Variants in MGAT4C observed in about 807,000 individuals in gnomAD.
The protein encoded by MGAT4C is alpha-1,3-mannosyl-glycoprotein 4-beta-N-acetylglucosaminyltransferase C.
A neutral mutation model predicts 40.1 loss-of-function variants in MGAT4C; 19 were observed. The observed-to-expected ratio is 0.47, with a 90% CI of 0.33 to 0.70. The LOEUF (loss-of-function observed/expected upper bound fraction) is 0.70. Among genes scored for constraint, MGAT4C ranks in the 30% least tolerant of loss-of-function variants. MGAT4C has a pLI of 0.02. For missense variants in MGAT4C, 491 were observed against 563.2 expected (o/e 0.87, Z 1.30); for synonymous variants, 181 against 187.1 (o/e 0.97, Z 0.27).
intron 1 of MGAT4C, among the ~76,000 whole-genome samples, chr12:86,223,839 C>T (rs1314493562): frequency 6.6e-6 from 1 of 152,206 alleles, no homozygotes; most frequent in African/African-American, 2.4e-5. Flanking sequence ...GATCTGCACA[C>T]AACACCAGTG....
chr12:86,355,605 G>A (rs1396986067), intron 3 of MGAT4C, among the ~76,000 whole-genome samples: 1 of 152,072 alleles, frequency 6.6e-6, no homozygotes, highest in Non-Finnish European at 1.5e-5. Flanking sequence ...AGGACAACAT[G>A]TTGAAAGTGT....
chr12:86,366,326 A>G (rs1248606939), intron 3 of MGAT4C, among the ~76,000 whole-genome samples: 1 of 152,244 alleles, frequency 6.6e-6, no homozygotes, highest in African/African-American at 2.4e-5. Flanking sequence ...TATCATCATT[A>G]AAGAGAGAAA....
At chr12:86,461,729 A>C (rs1364894078) in intron 2 of MGAT4C, among the ~76,000 whole-genome samples, 2 of 152,214 alleles carry the variant, frequency 1.3e-5, no homozygotes, top group Admixed American at 6.5e-5. Flanking sequence ...GAATGTAATA[A>C]ATTTCTTAAA....
chr12:86,361,208 C>T lies in MGAT4C; in HGVS notation c.-119-27081G>A, dbSNP rs1281736205. 3.9e-5 allele frequency among the ~76,000 whole-genome samples: 6 copies of T among 152,292 alleles called. No homozygotes were observed. The East Asian group carries it at 1.2e-3, about 29-fold the overall frequency. Reference sequence around the variant, plus strand: ...ACATCTACAACCATCTGTTATTTGACAAACCTGACAAAAACAAGAAATGGG... The same window carrying T: ...ACATCTACAACCATCTGTTATTTGATAAACCTGACAAAAACAAGAAATGGG... On this transcript the variant is annotated intron_variant, in intron 3 of 7. Coordinates refer to the MGAT4C transcript ENST00000548651.
chr12:86,006,274 G>A (rs1887863352), intron 2 of MGAT4C, among the ~76,000 whole-genome samples: 2 of 152,190 alleles, frequency 1.3e-5, no homozygotes, highest in South Asian at 4.1e-4. Flanking sequence ...GATTCTTCAA[G>A]CTCAAATCAA....
intron 2 of MGAT4C, among the ~76,000 whole-genome samples, chr12:86,548,098 G>A (rs2136392953): frequency 6.6e-6 from 1 of 152,208 alleles, no homozygotes; most frequent in Non-Finnish European, 1.5e-5. Flanking sequence ...GTATTTTATA[G>A]TTGTCTGTCT....
chr12:85,996,696 A>AAAGG (rs1447304201), intron 2 of MGAT4C, among the ~76,000 whole-genome samples: 1 of 152,204 alleles, frequency 6.6e-6, no homozygotes, highest in Admixed American at 6.5e-5. Context: ...TCAATTTTTC[A>AAAGG]AAGGAAGCAT....
At chr12:86,096,127 C>T (rs1873866981) in intron 1 of MGAT4C, among the ~76,000 whole-genome samples, 1 of 151,686 alleles carries the variant, frequency 6.6e-6, no homozygotes, top group Non-Finnish European at 1.5e-5. Flanking sequence ...GAAATGTTTG[C>T]TGTCAAAGAT....
chr12:86,602,251 G>A (rs1961812054), intron 2 of MGAT4C, among the ~76,000 whole-genome samples: 1 of 152,136 alleles, frequency 6.6e-6, no homozygotes, highest in South Asian at 2.1e-4. Context: ...AGCCCAGCAG[G>A]CACGGACAAA....
chr12:86,250,751 A>G (rs1209077328), intron 1 of MGAT4C, among the ~76,000 whole-genome samples: 4 of 152,088 alleles, frequency 2.6e-5, no homozygotes, highest in Admixed American at 6.6e-5. Flanking sequence ...TATTTAATTC[A>G]TTTTTTATCT....
chr12:86,787,422 T>C (rs1374205094), intron 1 of MGAT4C, among the ~76,000 whole-genome samples: 1 of 152,138 alleles, frequency 6.6e-6, no homozygotes, highest in East Asian at 1.9e-4. Context: ...TGAATAGTGC[T>C]GCAATAAATA....
At chr12:86,175,160 T>G (rs1236231906) in intron 1 of MGAT4C, among the ~76,000 whole-genome samples, 1 of 152,132 alleles carries the variant, frequency 6.6e-6, no homozygotes, top group East Asian at 1.9e-4. Flanking sequence ...AAAGAATGTA[T>G]AGAAATGTAC....
At chr12:86,178,745 A>G (rs1887767295) in intron 1 of MGAT4C, among the ~76,000 whole-genome samples, 1 of 152,182 alleles carries the variant, frequency 6.6e-6, no homozygotes, top group Non-Finnish European at 1.5e-5. Flanking sequence ...ACTCATATTA[A>G]TATAAAAATT....
At chr12:86,158,261 T>C (rs1196591068) in intron 1 of MGAT4C, among the ~76,000 whole-genome samples, 3 of 152,118 alleles carry the variant, frequency 2.0e-5, no homozygotes, top group African/African-American at 7.2e-5. Flanking sequence ...CATAAATCCA[T>C]AGCCTAAATC....
chr12:86,601,440 A>G (rs187692153), intron 2 of MGAT4C: 2 of 151,910 alleles, frequency 1.3e-5, no homozygotes, highest in Admixed American at 1.3e-4. Flanking sequence ...CCCCATAAAA[A>G]CCTTGCACTC....
chr12:86,574,658 G>A (rs1960492484), intron 2 of MGAT4C, among the ~76,000 whole-genome samples: 1 of 151,722 alleles, frequency 6.6e-6, no homozygotes. Flanking sequence ...AATGCAATTA[G>A]CAATGTATGC....
At chr12:86,018,520 C>A (rs949563057) in intron 2 of MGAT4C, among the ~76,000 whole-genome samples, 1 of 152,094 alleles carries the variant, frequency 6.6e-6, no homozygotes, top group African/African-American at 2.4e-5. Context: ...GCCCTCAGGG[C>A]AGTATTCGGT....
chr12:86,523,849 T>G (rs1958836072), intron 2 of MGAT4C, among the ~76,000 whole-genome samples: 1 of 152,184 alleles, frequency 6.6e-6, no homozygotes, highest in African/African-American at 2.4e-5. Flanking sequence ...ATGCCCCTTT[T>G]TGTCTTTTTT....
At chr12:86,313,352 A>G (rs1227977586) in intron 4 of MGAT4C, among the ~76,000 whole-genome samples, 1 of 152,200 alleles carries the variant, frequency 6.6e-6, no homozygotes, top group Non-Finnish European at 1.5e-5. Context: ...ATTTTTGCAG[A>G]CACAAATTTA....
Sources: gnomAD v4.1 joint callset for allele counts (sites outside exome capture counted in the v4.1 genomes callset) on GRCh38, gnomAD v4.1.1 for gene constraint, MANE v1.5 for transcripts, NCBI Gene and HGNC (gene_info 2026-07-23, HGNC 2026-07-21) for gene names.